The following ZNF638 variants were observed in gnomAD, a reference collection of about 807,000 sequenced individuals.
ZNF638 encodes the protein CTCL tumor antigen se33-1.
A neutral mutation model predicts 195.6 loss-of-function variants in ZNF638; 46 were observed. The ratio of observed to expected loss-of-function variants is 0.24; its 90% CI spans 0.19 to 0.30. The LOEUF is 0.30. Ranked by LOEUF, ZNF638 falls within the 10% of genes least tolerant of loss-of-function variation. The pLI, the probability that ZNF638 is intolerant of heterozygous loss-of-function variation, is 1.00. For missense variants in ZNF638, 2,440 were observed against 2,325.3 expected, an observed-to-expected ratio of 1.05 and a Z score of -1.01; for synonymous variants, 845 against 772.0, an observed-to-expected ratio of 1.09 and a Z score of -1.57.
intron 10 of ZNF638, among the ~76,000 whole-genome samples, chr2:71,389,776 C>T (rs529798065): frequency 6.6e-6 from 1 of 152,246 alleles, no homozygotes; most frequent in African/African-American, 2.4e-5. Context: ...ATCGGTTAAC[C>T]CAGGCAATTA....
chr2:71,394,799 A>G (rs1437949898), intron 10 of ZNF638, among the ~76,000 whole-genome samples: 1 of 152,194 alleles, frequency 6.6e-6, no homozygotes, highest in Non-Finnish European at 1.5e-5. Context: ...CTGCTTTTGT[A>G]GATAACTTGG....
At position 71,365,876 on chromosome 2, in the gene ZNF638, T is replaced by C. The variant is rs376716237; in HGVS notation, c.1995+170T>C. On this transcript the variant is annotated intron_variant, in intron 6 of 27. Coordinates refer to ENST00000264447, the MANE Select transcript of ZNF638 (RefSeq NM_014497.5). ...CTGGCACCACAGGCGTGTGCCACCA[T>C]GCCTGGCTAATTTTTTAATTTTTGT... Among the ~76,000 whole-genome samples the C allele has an allele frequency of 3.9e-5, 6 of 152,154 alleles. No individual in the cohort carries two copies. The South Asian group carries it at 8.3e-4, about 21-fold the overall frequency.
intron 10 of ZNF638, 62 bp downstream of exon 10, chr2:71,380,627 A>G: frequency 4.4e-6 from 6 of 1,369,780 alleles, no homozygotes; most frequent in South Asian, 1.3e-5. Context: ...GTAGAAACTT[A>G]GATGATGATG....
chr2:71,405,470 T>G, intron 17 of ZNF638, 131 bp from the exon 18 acceptor site: 3 of 594,746 alleles, frequency 5.0e-6, no homozygotes, highest in Admixed American at 3.9e-5. Flanking sequence ...TAAATCTTGC[T>G]GCTTCTTAAT....
chr2:71,431,189 A>G (rs1359482345), intron 25 of ZNF638, 138 bp from the exon 26 acceptor site: 3 of 636,434 alleles, frequency 4.7e-6, no homozygotes, highest in Non-Finnish European at 8.2e-6. Flanking sequence ...CTTGGAGAAT[A>G]TTGTGCAAAG....
intron 21 of ZNF638, among the ~76,000 whole-genome samples, chr2:71,421,823 C>T (rs547815823): frequency 7.0e-4 from 107 of 152,220 alleles, no homozygotes; most frequent in Non-Finnish European, 1.0e-3. Context: ...GCATGTTGGG[C>T]ATTGTTTTTG....
Position 71,380,540 on chromosome 2 carries a change from T to C in ZNF638, c.2352T>C (p.Val784=). The C allele has an allele frequency of 6.2e-7, 1 of 1,605,120 alleles. No individual in the cohort carries two copies. The highest frequency in any genetic ancestry group is 8.5e-7 in the Non-Finnish European group (1 of 1,176,630). ...GAGATGCAGATGCTTCAAAAGCTGT[T>C]GAAATTGTTACTTCAACTTCTGCTG... ...LKRDADASKA[V]EIVTSTSAAK... is the part of the protein sequence containing the mutation. The change falls in exon 10 of 28, where the codon GTT becomes GTC. Residue 784 remains valine, a synonymous_variant. Transcript: ENST00000264447.
chr2:71,424,047 G>C lies in ZNF638; in HGVS notation c.4524+9G>C, dbSNP rs1025109844. ...ATGACAGCAACAATAAGGTGAGGAGGGTAGGAAGAATGGCACAGTGTGTCT... is the reference window on the plus strand; with the variant it reads ...ATGACAGCAACAATAAGGTGAGGAGCGTAGGAAGAATGGCACAGTGTGTCT... On this transcript the variant is annotated intron_variant, in intron 22 of 27. Transcript: ENST00000264447. 5.0e-6 allele frequency: 8 copies of C among 1,608,926 alleles called. No individual in the cohort carries two copies. In the Admixed American group the frequency reaches 1.2e-4, roughly 24 times the overall value.
At position 71,394,996 on chromosome 2, in the gene ZNF638, A is replaced by G. The variant is rs147461105; in HGVS notation, c.2378-1145A>G. Among the ~76,000 whole-genome samples, 1,434 of 152,348 alleles carry G rather than the reference A, an allele frequency of 9.4e-3. 11 individuals carry two copies. Among genetic ancestry groups the G allele is most frequent in the South Asian group, 0.025 (119 of 4,824 alleles). ...TGTGTCACCTCTCTACCATGGAACCAATCAATACATAGTTGGGATGAGGTG... is the reference window on the plus strand; with the variant it reads ...TGTGTCACCTCTCTACCATGGAACCGATCAATACATAGTTGGGATGAGGTG... On this transcript the variant is annotated intron_variant, in intron 10 of 27. Coordinates refer to ENST00000264447, the MANE Select transcript of ZNF638 (RefSeq NM_014497.5).
At position 71,349,912 on chromosome 2, in the gene ZNF638, A is replaced by C. The variant is rs760550927; in HGVS notation, c.958A>C (p.Ser320Arg). The C allele has an allele frequency of 6.2e-7, 1 of 1,614,250 alleles. No homozygotes were observed. The highest frequency in any genetic ancestry group is 8.5e-7 in the Non-Finnish European group (1 of 1,180,046). The change falls in exon 2 of 28, where the codon AGC becomes CGC. Residue 320 changes from serine to arginine, a missense_variant. Physicochemically the swap from Ser to Arg is moderately radical, Grantham distance 110. Coordinates refer to ENST00000264447, the MANE Select transcript of ZNF638 (RefSeq NM_014497.5). ...CAACCAATCCATTAACCAAACAGTTAGCCAGACAATGAGTCAATCTCTGAT... is the reference window on the plus strand; with the variant it reads ...CAACCAATCCATTAACCAAACAGTTCGCCAGACAATGAGTCAATCTCTGAT... ...SVNQSINQTV[S>R]QTMSQSLIPP...
At chr2:71,363,269 C>G (rs577594568) in intron 4 of ZNF638, 78 bp downstream of exon 4, 16 of 1,075,772 alleles carry the variant, frequency 1.5e-5, no homozygotes, top group Non-Finnish European at 2.0e-5. Flanking sequence ...GAAAGTGATT[C>G]TTTTGAGTTC....
At chr2:71,369,114 C>T (rs1233707204) in intron 7 of ZNF638, among the ~76,000 whole-genome samples, 1 of 152,022 alleles carries the variant, frequency 6.6e-6, no homozygotes, top group Non-Finnish European at 1.5e-5. Flanking sequence ...GCAGGTGGAT[C>T]GCCTGAGATC....
chr2:71,388,944 G>C (rs986027586), intron 10 of ZNF638, among the ~76,000 whole-genome samples: 4 of 152,102 alleles, frequency 2.6e-5, no homozygotes, highest in Non-Finnish European at 5.9e-5. Context: ...AGGCATGCTG[G>C]ACCTAGAGCT....
chr2:71,419,875 T>C (rs2080388047), intron 21 of ZNF638, among the ~76,000 whole-genome samples: 1 of 151,688 alleles, frequency 6.6e-6, no homozygotes, highest in East Asian at 1.9e-4. Flanking sequence ...GCTTTTAAAA[T>C]TGAATATATT....
chr2:71,421,365 TA>T (rs61017341), intron 21 of ZNF638, among the ~76,000 whole-genome samples: 29,228 of 139,782 alleles, frequency 0.21, 3,230 homozygotes, highest in East Asian at 0.57. Flanking sequence ...GTGATTATTT[TA>T]AAAAAAAAAC....
chr2:71,341,492 A>C (rs780548788), intron 1 of ZNF638, among the ~76,000 whole-genome samples: 4 of 151,912 alleles, frequency 2.6e-5, no homozygotes, highest in Admixed American at 6.6e-5. Context: ...ACGTACACTA[A>C]AGTAGATGAA....
chr2:71,393,278 T>A (rs1432795061), intron 10 of ZNF638: 1 of 619,860 alleles, frequency 1.6e-6, no homozygotes, highest in African/African-American at 1.8e-5. Flanking sequence ...TGCTAAAACC[T>A]CTCAAGACAT....
intron 21 of ZNF638, among the ~76,000 whole-genome samples, chr2:71,422,278 T>G (rs1573163063): frequency 1.3e-5 from 2 of 152,200 alleles, no homozygotes; most frequent in East Asian, 3.9e-4. Flanking sequence ...TCTTGGGTAA[T>G]TAAAAAAATA....
chr2:71,359,224 C>T (rs1286485973), intron 3 of ZNF638, among the ~76,000 whole-genome samples: 1 of 152,124 alleles, frequency 6.6e-6, no homozygotes. Context: ...GTTGAAGACT[C>T]TGGGTTTCTG....
Sources: allele counts gnomAD v4.1 joint callset (sites outside exome capture counted in the v4.1 genomes callset), GRCh38; gene constraint gnomAD v4.1.1; transcripts MANE v1.5; gene names NCBI Gene and HGNC (gene_info 2026-07-23, HGNC 2026-07-21).